The following VPS13B variants were observed in gnomAD, a reference collection of about 807,000 sequenced individuals.
The protein encoded by VPS13B is vacuolar protein sorting 13 homolog B.
A neutral mutation model predicts 426.4 loss-of-function variants in VPS13B; 285 were observed. That is an observed-to-expected ratio of 0.67 (90% CI 0.61 to 0.74). The LOEUF is 0.74. VPS13B is among the 30% of genes least tolerant of loss of function. The pLI is 0.00. For missense variants in VPS13B, 4,537 were observed against 4,782.6 expected (o/e 0.95, Z 1.51); for synonymous variants, 1,676 against 1,676.4 (o/e 1.00, Z 0.01).
chr8:99,374,945 T>A (rs1456689708), intron 19 of VPS13B, among the ~76,000 whole-genome samples: 1 of 152,214 alleles, frequency 6.6e-6, no homozygotes, highest in African/African-American at 2.4e-5. Flanking sequence ...AGATTGCCCT[T>A]CCTGGTACTC....
chr8:99,284,650 A>G (rs929931172), intron 19 of VPS13B, among the ~76,000 whole-genome samples: 5 of 151,896 alleles, frequency 3.3e-5, no homozygotes, highest in Non-Finnish European at 5.9e-5. Context: ...TCCTGGGCCC[A>G]AGAGATCCTC....
intron 33 of VPS13B, among the ~76,000 whole-genome samples, chr8:99,608,045 T>C (rs1051321018): frequency 1.3e-5 from 2 of 152,082 alleles, no homozygotes; most frequent in Non-Finnish European, 2.9e-5. Context: ...TACATAGATA[T>C]GTAGTTAGAA....
At chr8:99,469,791 G>A (rs1819303688) in intron 24 of VPS13B, among the ~76,000 whole-genome samples, 1 of 152,162 alleles carries the variant, frequency 6.6e-6, no homozygotes, top group Non-Finnish European at 1.5e-5. Context: ...GAAGTCATTA[G>A]GGTGACCCAA....
chr8:99,457,603 C>A (rs2133479138), intron 23 of VPS13B, among the ~76,000 whole-genome samples: 1 of 151,324 alleles, frequency 6.6e-6, no homozygotes, highest in East Asian at 2.0e-4. Flanking sequence ...CAGCTCCAAT[C>A]TTTACTATTT....
rs572146437 is a variant in VPS13B, at chr8:99,334,725, A to T, written c.2825-49483A>T. Among the ~76,000 whole-genome samples the T allele has an allele frequency of 4.7e-4, 71 of 152,230 alleles. No individual in the cohort carries two copies. In the South Asian group the frequency reaches 0.015, roughly 31 times the overall value. ...AAGCCCACTTACTTGATCATGGTGG[A>T]TAAGCTTTTTGATGTGCTGCTGGAT... On this transcript the variant is annotated intron_variant, in intron 19 of 61. Transcript: ENST00000357162.
chr8:99,514,376 A>G (rs950640904), intron 29 of VPS13B, among the ~76,000 whole-genome samples: 1 of 152,178 alleles, frequency 6.6e-6, no homozygotes, highest in Non-Finnish European at 1.5e-5. Context: ...AATGTTGTGC[A>G]ACCATCACCA....
intron 21 of VPS13B, among the ~76,000 whole-genome samples, chr8:99,415,646 A>C (rs1462120939): frequency 1.3e-5 from 2 of 152,078 alleles, no homozygotes; most frequent in Non-Finnish European, 2.9e-5. Flanking sequence ...TCTGTTTGAT[A>C]GTTTTCCTTA....
intron 20 of VPS13B, chr8:99,389,590 A>G (rs1231242504): frequency 6.6e-6 from 1 of 152,188 alleles, no homozygotes; most frequent in Admixed American, 6.5e-5. Flanking sequence ...AACCATAAGG[A>G]AGACAAAATA....
chr8:99,319,428 T>C (rs1193105245), intron 19 of VPS13B, among the ~76,000 whole-genome samples: 1 of 152,190 alleles, frequency 6.6e-6, no homozygotes, highest in Admixed American at 6.5e-5. Context: ...AGATGTAAAA[T>C]TGAGTTAGAG....
chr8:99,299,594 T>C (rs1820249356), intron 19 of VPS13B, among the ~76,000 whole-genome samples: 1 of 152,058 alleles, frequency 6.6e-6, no homozygotes, highest in Non-Finnish European at 1.5e-5. Flanking sequence ...GATTTTTTTT[T>C]TTTCCTGTCC....
chr8:99,739,252 G>T (rs1350034726), intron 39 of VPS13B, among the ~76,000 whole-genome samples: 3 of 152,218 alleles, frequency 2.0e-5, no homozygotes, highest in Non-Finnish European at 1.5e-5. Flanking sequence ...AGATCAAACT[G>T]CAAGGAGGCA....
chr8:99,848,730 T>C (rs372193079), intron 54 of VPS13B, 46 bp from the exon 55 acceptor site: 37 of 1,565,504 alleles, frequency 2.4e-5, no homozygotes, highest in Non-Finnish European at 3.3e-5. Context: ...ACTTCAATAG[T>C]GTTTCTTATT....
chr8:99,025,332 G>C (rs931980072), intron 2 of VPS13B, among the ~76,000 whole-genome samples: 1 of 152,138 alleles, frequency 6.6e-6, no homozygotes, highest in African/African-American at 2.4e-5. Context: ...TGTTGAATAA[G>C]GGTGGTGAAA....
At chr8:99,682,454 A>G (rs1228968580) in intron 35 of VPS13B, among the ~76,000 whole-genome samples, 1 of 152,228 alleles carries the variant, frequency 6.6e-6, no homozygotes, top group African/African-American at 2.4e-5. Flanking sequence ...CTTTTGTCAG[A>G]TAAGTAATTT....
intron 51 of VPS13B, among the ~76,000 whole-genome samples, chr8:99,830,532 G>A (rs1251380886): frequency 6.6e-6 from 1 of 152,156 alleles, no homozygotes. Flanking sequence ...TTAGCCTGCT[G>A]GGCTCCCTGG....
At chr8:99,275,333 A>G (rs1258268234) in intron 19 of VPS13B, 79 bp downstream of exon 19, 17 of 1,273,980 alleles carry the variant, frequency 1.3e-5, no homozygotes, top group Non-Finnish European at 1.7e-5. Flanking sequence ...AAATTGGTAT[A>G]TATTTTTTTT....
chr8:99,115,388 G>A (rs1029464057), intron 6 of VPS13B, among the ~76,000 whole-genome samples: 5 of 151,880 alleles, frequency 3.3e-5, no homozygotes, highest in African/African-American at 9.7e-5. Context: ...TAGCTATTTG[G>A]TTATATAACT....
At chr8:99,604,199 T>TA (rs1374447514) in intron 33 of VPS13B, among the ~76,000 whole-genome samples, 1 of 152,150 alleles carries the variant, frequency 6.6e-6, no homozygotes, top group African/African-American at 2.4e-5. Context: ...AGAATGGTCT[T>TA]AGATTTACAG....
At chr8:99,506,260 G>A (rs1205393591) in intron 27 of VPS13B, among the ~76,000 whole-genome samples, 1 of 151,988 alleles carries the variant, frequency 6.6e-6, no homozygotes, top group East Asian at 1.9e-4. Flanking sequence ...AATTATTTTT[G>A]TCATATTAAA....
Sources: gnomAD v4.1 joint callset for allele counts (sites outside exome capture counted in the v4.1 genomes callset) on GRCh38, gnomAD v4.1.1 for gene constraint, MANE v1.5 for transcripts, NCBI Gene and HGNC (gene_info 2026-07-23, HGNC 2026-07-21) for gene names.